The following TRAK1 variants were observed in gnomAD, a reference collection of about 807,000 sequenced individuals.
The protein encoded by TRAK1 is trafficking kinesin protein 1, also known as trafficking kinesin-binding protein 1.
A neutral mutation model predicts 92.1 loss-of-function variants in TRAK1; 33 were observed. That is an observed-to-expected ratio of 0.36 (90% CI 0.27 to 0.48). TRAK1 has a LOEUF of 0.48. Ranked by LOEUF, TRAK1 falls within the 20% of genes least tolerant of loss-of-function variation. The pLI is 0.99. For synonymous variants in TRAK1, 521 were observed against 517.3 expected (o/e 1.01, Z -0.10); for missense variants, 1,123 against 1,257.9 (o/e 0.89, Z 1.62).
At chr3:42,151,040 T>A (rs968194989) in intron 2 of TRAK1, among the ~76,000 whole-genome samples, 1 of 152,212 alleles carries the variant, frequency 6.6e-6, no homozygotes, top group Non-Finnish European at 1.5e-5. Flanking sequence ...GAACCCTCTA[T>A]AACTTTTTAA....
At position 42,046,450 on chromosome 3, in the gene TRAK1, A is replaced by G. The variant is rs147450464; in HGVS notation, c.-519+32333A>G. Among the ~76,000 whole-genome samples the G allele has an allele frequency of 2.1e-3, 319 of 152,046 alleles. 1 individual carries two copies. Among genetic ancestry groups the G allele is most frequent in the Non-Finnish European group, 3.7e-3 (252 of 67,994 alleles). On this transcript the variant is annotated intron_variant, in intron 1 of 16. Coordinates refer to the TRAK1 transcript ENST00000487159. The stretch of plus-strand genomic sequence containing the variant: ...GGAATAGGGGCCACGTCTCTACGGC[A>G]GGGTAGAGTTAGAGGAATGAGGGTT...
At chr3:42,126,437 G>A (rs746544077) in intron 2 of TRAK1, among the ~76,000 whole-genome samples, 22 of 152,098 alleles carry the variant, frequency 1.4e-4, no homozygotes, top group Non-Finnish European at 2.5e-4. Flanking sequence ...GGTAGGATAA[G>A]CAGTAAACTA....
chr3:42,197,872 G>A (rs769267147), intron 10 of TRAK1, among the ~76,000 whole-genome samples: 2 of 152,146 alleles, frequency 1.3e-5, no homozygotes, highest in African/African-American at 4.8e-5. Context: ...GTCCCCAGGC[G>A]GTATCTGCTG....
chr3:42,105,793 G>T (rs1431644650), intron 1 of TRAK1, among the ~76,000 whole-genome samples: 1 of 152,170 alleles, frequency 6.6e-6, no homozygotes, highest in Admixed American at 6.5e-5. Context: ...CCCACAAAGG[G>T]AAGCCCATTA....
intron 2 of TRAK1, among the ~76,000 whole-genome samples, chr3:42,153,353 T>C (rs1700161175): frequency 6.6e-6 from 1 of 151,992 alleles, no homozygotes; most frequent in African/African-American, 2.4e-5. Flanking sequence ...GCTATAATTA[T>C]GCCACTGTAC....
At chr3:42,077,920 C>G (rs1217209089) in intron 1 of TRAK1, among the ~76,000 whole-genome samples, 1 of 152,168 alleles carries the variant, frequency 6.6e-6, no homozygotes, top group East Asian at 1.9e-4. Flanking sequence ...AGACTTTTAT[C>G]CAGTTTCAGA....
At chr3:42,191,746 A>G in intron 7 of TRAK1, 110 bp downstream of exon 7, 1 of 1,226,966 alleles carries the variant, frequency 8.2e-7, no homozygotes, top group Non-Finnish European at 1.1e-6. Context: ...ACGGCTCAGC[A>G]GCATTTTTCT....
chr3:42,212,573 T>C (rs1709183138), intron 14 of TRAK1: 5 of 969,838 alleles, frequency 5.2e-6, no homozygotes, highest in Non-Finnish European at 6.1e-6. Context: ...TGAATCCATG[T>C]TATTGTATTG....
At chr3:42,115,873 T>C (rs998514365) in intron 1 of TRAK1, among the ~76,000 whole-genome samples, 2 of 152,194 alleles carry the variant, frequency 1.3e-5, no homozygotes, top group Non-Finnish European at 2.9e-5. Context: ...TGCTTCCATT[T>C]CTGCCACTGC....
At position 42,047,830 on chromosome 3, in the gene TRAK1, G is replaced by A. The variant is rs991848384; in HGVS notation, c.-519+33713G>A. ...CCAGAGAAACTTCTGTGTGTGTTAC[G>A]TCTGCCTGACTTTATTTTTAAATAA... is the stretch of plus-strand genomic sequence containing the variant. On this transcript the variant is annotated intron_variant, in intron 1 of 16. Transcript: ENST00000487159. Among the ~76,000 whole-genome samples the A allele has an allele frequency of 1.3e-4, 20 of 151,666 alleles. No homozygotes were observed. In the South Asian group the frequency reaches 1.5e-3, roughly 11 times the overall value.
At chr3:42,153,118 G>A (rs1700129030) in intron 2 of TRAK1, among the ~76,000 whole-genome samples, 1 of 152,172 alleles carries the variant, frequency 6.6e-6, no homozygotes, top group Non-Finnish European at 1.5e-5. Context: ...AAAGGCTAAT[G>A]GGGGCCTGGT....
intron 1 of TRAK1, among the ~76,000 whole-genome samples, chr3:42,042,588 C>T (rs183873788): frequency 1.4e-4 from 22 of 152,224 alleles, no homozygotes; most frequent in African/African-American, 3.4e-4. Flanking sequence ...CCAGGTTGGT[C>T]TTGAACTCTT....
chr3:42,204,082 G>A, intron 13 of TRAK1: 2 of 985,576 alleles, frequency 2.0e-6, no homozygotes, highest in South Asian at 9.4e-5. Context: ...TTCAGAAAAG[G>A]TATAGCTTAC....
rs1479751508 is a variant in TRAK1 at position 42,202,238 on chromosome 3, TA to T, written c.1428-192del. On this transcript the variant is annotated intron_variant, in intron 12 of 15. Transcript: ENST00000327628. The surrounding 1 kb of genome is among the most constrained non-coding windows in gnomAD (Gnocchi z 6.1). ...AGTCCTCACCCCACCTCAACCCCAC[TA>T]AAAAAGACCCCTGGCGGGAGTGGTT... Among the ~76,000 whole-genome samples, 2 of 152,028 alleles carry T rather than the reference TA, an allele frequency of 1.3e-5. No homozygotes were observed. The highest frequency in any genetic ancestry group is 2.9e-5 in the Non-Finnish European group (2 of 67,998).
intron 1 of TRAK1, among the ~76,000 whole-genome samples, chr3:42,095,718 GTCATCATCATCA>G (rs1553713896): frequency 6.6e-6 from 1 of 151,188 alleles, no homozygotes; most frequent in African/African-American, 2.4e-5. Flanking sequence ...CTTTATCATC[GTCATCATCATCA>G]TCATCATCAT....
chr3:42,201,421 A>G (rs1338473487), intron 12 of TRAK1, among the ~76,000 whole-genome samples: 2 of 151,908 alleles, frequency 1.3e-5, no homozygotes, highest in Admixed American at 6.6e-5. Context: ...TAATTGCACC[A>G]CTGCACTCCT....
chr3:42,145,891 G>GT (rs1347477562), intron 2 of TRAK1: 1 of 255,494 alleles, frequency 3.9e-6, no homozygotes, highest in Non-Finnish European at 7.6e-6. Flanking sequence ...TCTGCATAGT[G>GT]TTTGAAATCT....
At chr3:42,105,962 C>T (rs1421221416) in intron 1 of TRAK1, among the ~76,000 whole-genome samples, 2 of 152,142 alleles carry the variant, frequency 1.3e-5, no homozygotes, top group Non-Finnish European at 2.9e-5. Context: ...TACAGACAAA[C>T]AAATGCTGAG....
chr3:42,206,336 T>G (rs1040582480), intron 13 of TRAK1, among the ~76,000 whole-genome samples: 1 of 152,078 alleles, frequency 6.6e-6, no homozygotes, highest in Non-Finnish European at 1.5e-5. Context: ...ATAACTGAAA[T>G]AGCACAGTCA....
Sources: gnomAD v4.1 joint callset for allele counts (sites outside exome capture counted in the v4.1 genomes callset) on GRCh38, gnomAD v4.1.1 for gene constraint, Gnocchi (gnomAD v3.1) non-coding constraint, MANE v1.5 for transcripts, NCBI Gene and HGNC (gene_info 2026-07-23, HGNC 2026-07-21) for gene names.